Variants in TTC8 observed in about 807,000 individuals in gnomAD.
The protein encoded by TTC8 is tetratricopeptide repeat domain 8, also known as tetratricopeptide repeat protein 8.
Under a neutral mutation model 72.5 loss-of-function variants are expected in TTC8, and 47 were observed. The observed-to-expected ratio is 0.65, with a 90% CI of 0.51 to 0.83. TTC8 has a LOEUF of 0.83. Among genes scored for constraint, TTC8 ranks in the 40% least tolerant of loss-of-function variants. TTC8 has a pLI of 0.00. For missense variants in TTC8, 611 were observed against 623.2 expected, an observed-to-expected ratio of 0.98 and a Z score of 0.21; for synonymous variants, 199 against 221.4, an observed-to-expected ratio of 0.90 and a Z score of 0.90.
At chr14:88,841,308 G>T in intron 5 of TTC8, 112 bp downstream of exon 5, 1 of 1,582,566 alleles carries the variant, frequency 6.3e-7, no homozygotes, top group South Asian at 1.1e-5. Flanking sequence ...TTATATGGAA[G>T]ATTTTTGAAG....
intron 6 of TTC8, among the ~76,000 whole-genome samples, chr14:88,842,120 G>A (rs1263456914): frequency 6.6e-6 from 1 of 152,014 alleles, no homozygotes; most frequent in Non-Finnish European, 1.5e-5. Flanking sequence ...ATAAAGGAAG[G>A]TGTCCATGAC....
At chr14:88,836,490 TAAA>T (rs5810432) in intron 2 of TTC8, among the ~76,000 whole-genome samples, 3 of 134,356 alleles carry the variant, frequency 2.2e-5, no homozygotes. Context: ...GAGCCTGTCT[TAAA>T]AAAAAAAAAA....
At chr14:88,827,646 G>A (rs2094707440) in intron 1 of TTC8, among the ~76,000 whole-genome samples, 1 of 152,124 alleles carries the variant, frequency 6.6e-6, no homozygotes, top group Non-Finnish European at 1.5e-5. Context: ...ACACTGTGCT[G>A]TTATTACTCT....
At chr14:88,868,506 C>T (rs925844831) in intron 10 of TTC8, among the ~76,000 whole-genome samples, 3 of 152,080 alleles carry the variant, frequency 2.0e-5, no homozygotes, top group African/African-American at 7.2e-5. Context: ...GTTTCTAGAA[C>T]ACTAAATTTT....
At chr14:88,834,416 C>T (rs190820754) in intron 2 of TTC8, among the ~76,000 whole-genome samples, 3 of 152,260 alleles carry the variant, frequency 2.0e-5, no homozygotes, top group Admixed American at 2.0e-4. Flanking sequence ...AATCAGAGAG[C>T]TTAAATGTTG....
At chr14:88,829,392 C>T (rs557808281) in intron 1 of TTC8, among the ~76,000 whole-genome samples, 1 of 152,200 alleles carries the variant, frequency 6.6e-6, no homozygotes, top group Non-Finnish European at 1.5e-5. Context: ...TTCTGCAGCT[C>T]ATGTTGATCA....
chr14:88,851,400 C>T lies in TTC8; in HGVS notation c.625-1571C>T, dbSNP rs370348683. Among the ~76,000 whole-genome samples, 10 of 152,216 alleles carry T rather than the reference C, an allele frequency of 6.6e-5. No individual in the cohort carries two copies. The South Asian group carries it at 1.0e-3, about 16-fold the overall frequency. ...TTTAGGACCAACTATGCAAGCAAAA[C>T]CAGCAACCTGTAAGAAGCACTAAAT... On this transcript the variant is annotated intron_variant, in intron 7 of 14. Coordinates refer to ENST00000380656, the MANE Select transcript of TTC8 (RefSeq NM_144596.4).
Position 88,875,109 on chromosome 14 carries a change from G to A in TTC8, c.1431G>A (p.Lys477=). ...TTAATTTTGCAACAATCTCTGATAA[G>A]GTATTCTCTTTCTTCATTAATTTAT... ...PHFNFATISD[K]IGDLQRSYVA... is the part of the protein sequence containing the mutation. The change falls in exon 14 of 15, where the codon AAG becomes AAA. Residue 477 remains lysine, a splice_region_variant and synonymous_variant. Coordinates refer to ENST00000380656, the MANE Select transcript of TTC8 (RefSeq NM_144596.4). 1 of 1,607,296 alleles carries A rather than the reference G, an allele frequency of 6.2e-7. No individual in the cohort carries two copies. Among genetic ancestry groups the A allele is most frequent in the Non-Finnish European group, 8.5e-7 (1 of 1,175,106 alleles).
Position 88,871,511 on chromosome 14 carries a change from G to T in TTC8, c.1050-38G>T. On this transcript the variant is annotated intron_variant, in intron 11 of 14. Transcript: ENST00000380656. This position sits in a 1 kb window ranked among gnomAD's most constrained non-coding sequence, Gnocchi z 4.1. Reference sequence around the variant, plus strand: ...TATATGTCTTAAAACTTACAAAGTTGGTCTGACACCAAAATTTGTGTGTTC... The same window carrying T: ...TATATGTCTTAAAACTTACAAAGTTTGTCTGACACCAAAATTTGTGTGTTC... 1 of 1,599,348 alleles carries T rather than the reference G, an allele frequency of 6.3e-7. No homozygotes were observed.
At chr14:88,825,730 A>G (rs1177540857) in intron 1 of TTC8, among the ~76,000 whole-genome samples, 2 of 152,092 alleles carry the variant, frequency 1.3e-5, no homozygotes. Context: ...AAAATGGAAA[A>G]TTGAAGGGAG....
chr14:88,853,587 T>C (rs1347814448), intron 8 of TTC8, among the ~76,000 whole-genome samples: 1 of 152,234 alleles, frequency 6.6e-6, no homozygotes, highest in African/African-American at 2.4e-5. Context: ...TAAAGTGATT[T>C]GTCCAAATTC....
At chr14:88,824,461 CAA>C, upstream of TTC8, 2 of 520,618 alleles carry the variant, frequency 3.8e-6, no homozygotes, top group Non-Finnish European at 6.9e-6. Flanking sequence ...GCCTTCTTTT[CAA>C]AATCAATGAA....
intron 9 of TTC8, among the ~76,000 whole-genome samples, chr14:88,857,776 G>A (rs2094863839): frequency 6.6e-6 from 1 of 152,092 alleles, no homozygotes; most frequent in African/African-American, 2.4e-5. Flanking sequence ...GCAAAGGTGA[G>A]TTTTATCATT....
intron 9 of TTC8, among the ~76,000 whole-genome samples, chr14:88,859,901 A>AAATATATTAATATTATATAATATATAAT (rs1566850405): frequency 8.5e-6 from 1 of 117,200 alleles, no homozygotes; most frequent in African/African-American, 5.1e-5. Flanking sequence ...TATATAATAT[A>AAATATATTAATATTATATAATATATAAT]ATATAAATAT....
Position 88,841,468 on chromosome 14 carries a change from C to G in TTC8, c.533C>G (p.Ser178Cys), listed in dbSNP as rs373107617. ...TSPDGPFINLSRLNLTKYSQK... is the reference protein window; with the variant it reads ...TSPDGPFINLCRLNLTKYSQK... ...CCTGATGGACCATTTATAAATTTAT[C>G]TAGGCTGAATTTAACAAAGTATTCC... Residue 178 changes from serine (S) to cysteine (C), a missense_variant, in exon 6 of 15, where the codon TCT (serine) becomes TGT (cysteine). By Grantham distance (112) the Ser-to-Cys change is moderately radical. Transcript: ENST00000380656. 7 of 1,613,550 alleles carry G rather than the reference C, an allele frequency of 4.3e-6. No individual in the cohort carries two copies. The highest frequency in any genetic ancestry group is 5.9e-6 in the Non-Finnish European group (7 of 1,179,856).
intron 8 of TTC8, among the ~76,000 whole-genome samples, chr14:88,854,155 C>T (rs2094845921): frequency 1.3e-5 from 2 of 152,302 alleles, no homozygotes; most frequent in Non-Finnish European, 2.9e-5. Context: ...TCATTAAACT[C>T]TTATGAATGT....
chr14:88,860,823 T>G (rs1399072504), intron 9 of TTC8, among the ~76,000 whole-genome samples: 2 of 151,940 alleles, frequency 1.3e-5, no homozygotes, highest in South Asian at 4.2e-4. Context: ...TTTTTTTTTT[T>G]GAAGACAGGG....
intron 3 of TTC8, chr14:88,840,228 T>A (rs12880017): frequency 7.1e-4 from 111 of 156,088 alleles, no homozygotes; most frequent in Admixed American, 2.1e-3. Context: ...TCTTTGTTCC[T>A]TCTTCACTCC....
intron 10 of TTC8, among the ~76,000 whole-genome samples, chr14:88,862,968 T>G (rs528893206): frequency 4.5e-4 from 68 of 151,680 alleles, no homozygotes; most frequent in African/African-American, 1.6e-3. Context: ...ACAGTTGGTT[T>G]TCCTGGCCCT....
Sources: allele counts gnomAD v4.1 joint callset (sites outside exome capture counted in the v4.1 genomes callset), GRCh38; gene constraint gnomAD v4.1.1; non-coding constraint Gnocchi (gnomAD v3.1); transcripts MANE v1.5; gene names NCBI Gene and HGNC (gene_info 2026-07-23, HGNC 2026-07-21).